The following TOM1 variants were observed in gnomAD, a reference collection of about 807,000 sequenced individuals.
The protein encoded by TOM1 is target of myb1 membrane trafficking protein.
A neutral mutation model predicts 61.3 loss-of-function variants in TOM1; 38 were observed. That is an observed-to-expected ratio of 0.62 (90% confidence interval 0.48 to 0.81). The LOEUF is 0.81. TOM1 is among the 40% of genes least tolerant of loss of function. The pLI is 0.00. For missense variants in TOM1, 591 were observed against 659.6 expected (o/e 0.90, Z 1.14); for synonymous variants, 270 against 268.8 (o/e 1.00, Z -0.04).
At chr22:35,311,751 T>C (rs764419024) in intron 1 of TOM1, among the ~76,000 whole-genome samples, 1 of 152,168 alleles carries the variant, frequency 6.6e-6, no homozygotes, top group Non-Finnish European at 1.5e-5. Context: ...CCTCTGCACA[T>C]TGGCTGCCCC....
rs1327843409 is a variant in TOM1 at position 35,322,130 on chromosome 22, G to A, written c.216+93G>A. On this transcript the variant is annotated intron_variant, in intron 3 of 14. Coordinates refer to ENST00000449058, the MANE Select transcript of TOM1 (RefSeq NM_005488.3). ...CAGCAGGACTCCCAGCCTCCTCTGA[G>A]CTCCTCATTTGAGAGCTGGAAAGGT... is the stretch of plus-strand genomic sequence containing the variant. The A allele has an allele frequency of 2.6e-6, 3 of 1,167,548 alleles. No homozygotes were observed. In the African/African-American group the frequency reaches 4.6e-5, roughly 18 times the overall value. The allele number at this position is 1,167,548 out of a possible 1,614,324, so 72.3% of individuals were successfully genotyped here. A position where few individuals can be genotyped will look rare whatever the true frequency, so the allele number is the denominator to read the frequency against.
Position 35,323,434 on chromosome 22 carries a change from C to T in TOM1, c.367-62C>T. ...AGAATGTCTGTTCTCTGTCTGAGTGCCAGGTGGGCAGGCTCACAGGTGAGC... is the reference window on the plus strand; with the variant it reads ...AGAATGTCTGTTCTCTGTCTGAGTGTCAGGTGGGCAGGCTCACAGGTGAGC... On this transcript the variant is annotated intron_variant, in intron 4 of 14. Coordinates refer to ENST00000449058, the MANE Select transcript of TOM1 (RefSeq NM_005488.3). The surrounding 1 kb of genome is among the most constrained non-coding windows in gnomAD (Gnocchi z 4.2). 2.5e-6 allele frequency: 4 copies of T among 1,582,886 alleles called. No individual in the cohort carries two copies. Among genetic ancestry groups the T allele is most frequent in the Non-Finnish European group, 2.6e-6 (3 of 1,164,364 alleles).
intron 3 of TOM1, chr22:35,322,373 G>C (rs1927872206): frequency 3.2e-6 from 1 of 308,176 alleles, no homozygotes; most frequent in East Asian, 6.9e-5. Context: ...TGACTGAGTT[G>C]GGTGCTGCTC....
intron 13 of TOM1, among the ~76,000 whole-genome samples, chr22:35,346,376 A>G (rs923407485): frequency 2.0e-5 from 3 of 152,256 alleles, no homozygotes; most frequent in African/African-American, 7.2e-5. Flanking sequence ...CAGGCCCAGA[A>G]GCCGCCTTCT....
chr22:35,309,403 G>A (rs575374029), intron 1 of TOM1, among the ~76,000 whole-genome samples: 1 of 152,266 alleles, frequency 6.6e-6, no homozygotes, highest in South Asian at 2.1e-4. Context: ...CAGCACTTTG[G>A]GAGGCCAAGA....
intron 1 of TOM1, among the ~76,000 whole-genome samples, chr22:35,316,106 G>A (rs1927256176): frequency 6.6e-6 from 1 of 152,278 alleles, no homozygotes; most frequent in South Asian, 2.1e-4. Context: ...GTGCTCAAGT[G>A]CCTGGCCCAT....
intron 11 of TOM1, among the ~76,000 whole-genome samples, chr22:35,335,222 T>C (rs1226549272): frequency 1.3e-5 from 2 of 152,136 alleles, no homozygotes; most frequent in South Asian, 4.1e-4. Flanking sequence ...AGGATTCTTA[T>C]AGCTAAGGAA....
chr22:35,318,825 C>A (rs1211105364), intron 2 of TOM1, among the ~76,000 whole-genome samples: 1 of 152,232 alleles, frequency 6.6e-6, no homozygotes, highest in Non-Finnish European at 1.5e-5. Flanking sequence ...TCAGTGTGGA[C>A]CCTCCTTTCC....
chr22:35,334,478 T>C (rs1929117251), intron 11 of TOM1, 30 bp downstream of exon 11: 2 of 1,612,448 alleles, frequency 1.2e-6, no homozygotes, highest in Admixed American at 1.7e-5. Context: ...CCTGGTCCCC[T>C]GCAGTTCGGG....
At chr22:35,322,082 T>A in intron 3 of TOM1, 45 bp downstream of exon 3, 1 of 1,579,772 alleles carries the variant, frequency 6.3e-7, no homozygotes, top group Non-Finnish European at 8.7e-7. Flanking sequence ...TACGGTCCAC[T>A]GAAAGTCACC....
chr22:35,335,341 T>C (rs1394028501), intron 11 of TOM1, among the ~76,000 whole-genome samples: 1 of 152,178 alleles, frequency 6.6e-6, no homozygotes, highest in Non-Finnish European at 1.5e-5. Flanking sequence ...AGGGATAACC[T>C]CTCCACACCC....
chr22:35,315,357 T>C (rs1489432520), intron 1 of TOM1, among the ~76,000 whole-genome samples: 1 of 152,102 alleles, frequency 6.6e-6, no homozygotes, highest in Non-Finnish European at 1.5e-5. Flanking sequence ...AGGAGCAGGT[T>C]CTGTAGGTTA....
intron 7 of TOM1, among the ~76,000 whole-genome samples, chr22:35,329,137 G>A (rs190602753): frequency 1.5e-4 from 23 of 152,230 alleles, no homozygotes; most frequent in Admixed American, 1.4e-3. Flanking sequence ...TGTATTATTA[G>A]TAGACACAGG....
chr22:35,328,561 C>T (rs1038761267), intron 7 of TOM1, among the ~76,000 whole-genome samples: 6 of 152,228 alleles, frequency 3.9e-5, no homozygotes, highest in Non-Finnish European at 7.3e-5. Context: ...CCAAGTGCTG[C>T]TCTTCTGCTC....
intron 12 of TOM1, among the ~76,000 whole-genome samples, chr22:35,339,614 G>A (rs1185201432): frequency 6.6e-6 from 1 of 152,168 alleles, no homozygotes; most frequent in East Asian, 1.9e-4. Flanking sequence ...GAATAAAAGA[G>A]CGGACCCTGG....
At chr22:35,333,645 C>T (rs1021579121) in intron 10 of TOM1, 148 bp downstream of exon 10, 1 of 719,236 alleles carries the variant, frequency 1.4e-6, no homozygotes. Context: ...AATCTTGCTG[C>T]AAGGTGGGGC....
At chr22:35,336,093 T>C (rs1929308304) in intron 11 of TOM1, among the ~76,000 whole-genome samples, 1 of 152,146 alleles carries the variant, frequency 6.6e-6, no homozygotes, top group Non-Finnish European at 1.5e-5. Flanking sequence ...TCTTTTTTCT[T>C]ATCAGATTTT....
intron 13 of TOM1, among the ~76,000 whole-genome samples, chr22:35,346,466 ACCCCCT>A (rs2145739235): frequency 6.6e-6 from 1 of 152,074 alleles, no homozygotes; most frequent in East Asian, 1.9e-4. Context: ...CAGAAGCCTC[ACCCCCT>A]CCCTAGTTTG....
chr22:35,316,191 G>A (rs1353253051), intron 1 of TOM1, among the ~76,000 whole-genome samples: 1 of 152,264 alleles, frequency 6.6e-6, no homozygotes, highest in Non-Finnish European at 1.5e-5. Context: ...ACACTTGCAG[G>A]GGAGGGAACC....
Sources: gnomAD v4.1 joint callset for allele counts (sites outside exome capture counted in the v4.1 genomes callset) on GRCh38, gnomAD v4.1.1 for gene constraint, Gnocchi (gnomAD v3.1) non-coding constraint, MANE v1.5 for transcripts, NCBI Gene and HGNC (gene_info 2026-07-23, HGNC 2026-07-21) for gene names.